The following DKC1 variants were observed in gnomAD, a reference collection of about 807,000 sequenced individuals.
The protein encoded by DKC1 is H/ACA ribonucleoprotein complex subunit DKC1.
DKC1 carries 4 observed loss-of-function variants against 46.7 expected under a neutral mutation model. The ratio of observed to expected loss-of-function variants is 0.09; its 90% confidence interval spans 0.04 to 0.20. DKC1 has a LOEUF of 0.20. Ranked by LOEUF, DKC1 falls within the 10% of genes least tolerant of loss-of-function variation. The probability of loss-of-function intolerance (pLI) is 1.00; values close to 1 mark genes in which losing one functional copy is unlikely to be tolerated. For missense variants in DKC1, 171 were observed against 404.2 expected, an observed-to-expected ratio of 0.42 and a Z score of 4.95; for synonymous variants, 141 against 142.4, an observed-to-expected ratio of 0.99 and a Z score of 0.07.
intron 7 of DKC1, 39 bp from the exon 8 acceptor site, chrX:154,768,263 C>T (rs1557264452): frequency 5.8e-6 from 7 of 1,209,032 alleles, no homozygotes; most frequent in Non-Finnish European, 6.7e-6. Flanking sequence ...GATGTATTTA[C>T]AGTAGGTGCT....
At chrX:154,772,987 A>C in intron 10 of DKC1, 144 bp from the exon 11 acceptor site, 1 of 464,173 alleles carries the variant, frequency 2.2e-6, no homozygotes, top group South Asian at 3.7e-5. Flanking sequence ...CCATATGCAC[A>C]TCCTGAGCAA....
chrX:154,769,429 T>C (rs2071793930), intron 9 of DKC1, 119 bp downstream of exon 9: 1 of 841,528 alleles, frequency 1.2e-6, no homozygotes, highest in Admixed American at 2.7e-5. Flanking sequence ...CCAAGTATAT[T>C]AATTTAAAGT....
rs1387393944 is a variant in DKC1 at position 154,776,983 on chromosome X, C to T, written c.*116C>T. 1.7e-6 allele frequency: 1 copy of T among 594,518 alleles called. No individual in the cohort carries two copies. Among genetic ancestry groups the T allele is most frequent in the Non-Finnish European group, 2.7e-6 (1 of 373,814 alleles). 49.0% of individuals were successfully genotyped at this position (594,518 alleles called of 1,213,427 possible). On this transcript the variant is annotated 3_prime_UTR_variant, in exon 15 of 15. Coordinates refer to ENST00000369550, the MANE Select transcript of DKC1 (RefSeq NM_001363.5). ...TCCTAGACAGGGTGAAGAGTTCTGG[C>T]ACATTTTAGCTGCTACTTTGAGACC...
Position 154,766,980 on chromosome X carries a change from CTT to C in DKC1, c.449-14_449-13del. 8.3e-6 allele frequency: 10 copies of C among 1,209,309 alleles called. No homozygotes were observed. The highest frequency in any genetic ancestry group is 5.9e-5 in the East Asian group (2 of 33,859). ...AACTCAGTGGCCACACCTGACTACT[CTT>C]TTGTCATTTTTCAGGCAAAGAGTAT... On this transcript the variant is annotated splice_polypyrimidine_tract_variant and intron_variant, in intron 5 of 14. Transcript: ENST00000369550.
chrX:154,774,258 C>G (rs1376233304), intron 11 of DKC1, among the ~76,000 whole-genome samples: 2 of 111,700 alleles, frequency 1.8e-5, no homozygotes, highest in African/African-American at 6.5e-5. Flanking sequence ...AAGGGATTGT[C>G]TGTTAAGCCA....
intron 8 of DKC1, 23 bp downstream of exon 8, chrX:154,768,455 T>G: frequency 8.3e-7 from 1 of 1,210,523 alleles, no homozygotes; most frequent in African/African-American, 1.7e-5. Context: ...GGGCTAGAAG[T>G]TTTAGAGCTG....
chrX:154,776,131 C>T, intron 13 of DKC1, 56 bp from the exon 14 acceptor site: 2 of 1,201,013 alleles, frequency 1.7e-6, no homozygotes, highest in Non-Finnish European at 2.3e-6. Context: ...CTCACTGAAC[C>T]TTTCTTGTCC....
intron 6 of DKC1, 59 bp downstream of exon 6, chrX:154,767,120 A>G: frequency 8.5e-7 from 1 of 1,179,076 alleles, no homozygotes. Context: ...GAGCCCCTAA[A>G]CATCTGGAGA....
intron 11 of DKC1, among the ~76,000 whole-genome samples, chrX:154,774,009 C>G (rs2148516001): frequency 8.9e-6 from 1 of 112,242 alleles, no homozygotes; most frequent in Non-Finnish European, 1.9e-5. Flanking sequence ...AATACTTGGG[C>G]AGCTCTTGGT....
chrX:154,767,444 A>C (rs2071760106), intron 7 of DKC1, 62 bp downstream of exon 7: 2 of 1,165,712 alleles, frequency 1.7e-6, no homozygotes, highest in African/African-American at 3.5e-5. Flanking sequence ...TCTCTTATTA[A>C]AAGTAGATGC....
rs140714103 is a variant in DKC1, at chrX:154,766,351, C to T, written c.399C>T (p.Ile133=). The change falls in exon 5 of 15, where the codon ATC becomes ATT. Residue 133 remains isoleucine (I), a synonymous_variant. Coordinates refer to ENST00000369550, the MANE Select transcript of DKC1 (RefSeq NM_001363.5). ...ATCCCAAGGTGACTGGTTGTTTAAT[C>T]GTGTGCATAGAACGAGCCACTCGCT... ...TLDPKVTGCL[I]VCIERATRLV... 2.6e-5 allele frequency: 32 copies of T among 1,208,450 alleles called. No homozygotes were observed. The African/African-American group carries it at 4.8e-4, about 18-fold the overall frequency.
At chrX:154,766,020 T>A in intron 4 of DKC1, 22 bp downstream of exon 4, 1 of 1,134,657 alleles carries the variant, frequency 8.8e-7, no homozygotes, top group Non-Finnish European at 1.2e-6. Flanking sequence ...GAGGAGGCAC[T>A]GTGCAAACTT....
At chrX:154,771,112 T>C (rs1464037568) in intron 10 of DKC1, among the ~76,000 whole-genome samples, 1 of 110,546 alleles carries the variant, frequency 9.0e-6, no homozygotes, top group Non-Finnish European at 1.9e-5. Flanking sequence ...AAGTTATTAT[T>C]GATTATAGTC....
intron 13 of DKC1, 135 bp downstream of exon 13, chrX:154,775,408 G>A: frequency 1.6e-6 from 1 of 629,000 alleles, no homozygotes; most frequent in Non-Finnish European, 2.6e-6. Context: ...GCATACACAG[G>A]TAATGCTGCC....
intron 3 of DKC1, 28 bp downstream of exon 3, chrX:154,765,558 G>GTT: frequency 9.9e-7 from 1 of 1,011,968 alleles, no homozygotes; most frequent in East Asian, 3.0e-5. Context: ...TGCATCAGAT[G>GTT]AATGCCTGCT....
intron 13 of DKC1, 125 bp from the exon 14 acceptor site, chrX:154,776,062 T>C: frequency 1.1e-6 from 1 of 884,321 alleles, no homozygotes; most frequent in Non-Finnish European, 1.7e-6. Context: ...GGGTTTGTAG[T>C]CAGAAAACGT....
chrX:154,771,790 C>T (rs782229725), intron 10 of DKC1, among the ~76,000 whole-genome samples: 5 of 111,967 alleles, frequency 4.5e-5, no homozygotes, highest in African/African-American at 1.3e-4. Context: ...ATTTATCTGT[C>T]GATGGGCACT....
At chrX:154,763,971 C>A (rs1304885835) in intron 1 of DKC1, among the ~76,000 whole-genome samples, 2 of 110,660 alleles carry the variant, frequency 1.8e-5, no homozygotes, top group Non-Finnish European at 3.8e-5. Flanking sequence ...CCAGCCTGGC[C>A]AACATGGTGA....
intron 1 of DKC1, 67 bp downstream of exon 1, chrX:154,763,048 G>A: frequency 9.0e-7 from 1 of 1,113,914 alleles, no homozygotes. Context: ...TGGGGGGATG[G>A]TATCGGGGCC....
Sources: allele counts gnomAD v4.1 joint callset (sites outside exome capture counted in the v4.1 genomes callset), GRCh38; gene constraint gnomAD v4.1.1; transcripts MANE v1.5; gene names NCBI Gene and HGNC (gene_info 2026-07-23, HGNC 2026-07-21).